The following PNPLA7 variants were observed in gnomAD, a reference collection of about 807,000 sequenced individuals.
PNPLA7 encodes patatin-like phospholipase domain-containing protein 7.
A neutral mutation model predicts 161.7 loss-of-function variants in PNPLA7; 153 were observed. That is an observed-to-expected ratio of 0.95 (90% CI 0.83 to 1.08). The LOEUF is 1.08. Among genes scored for constraint, PNPLA7 ranks in the 50% least tolerant of loss-of-function variants. The pLI is 0.00. For synonymous variants in PNPLA7, 809 were observed against 782.1 expected, an observed-to-expected ratio of 1.03 and a Z score of -0.57; for missense variants, 1,739 against 1,856.6, an observed-to-expected ratio of 0.94 and a Z score of 1.16.
intron 26 of PNPLA7, among the ~76,000 whole-genome samples, chr9:137,466,163 T>C (rs1232631105): frequency 6.6e-6 from 1 of 152,168 alleles, no homozygotes; most frequent in Non-Finnish European, 1.5e-5. Flanking sequence ...CAGCCCATCC[T>C]CAGCTGCTCA....
At chr9:137,529,511 G>C (rs1436261977) in intron 8 of PNPLA7, among the ~76,000 whole-genome samples, 1 of 152,262 alleles carries the variant, frequency 6.6e-6, no homozygotes, top group African/African-American at 2.4e-5. Flanking sequence ...GATTAAGCTG[G>C]TTGGGTTCAG....
chr9:137,529,905 C>T (rs918030947), intron 8 of PNPLA7, among the ~76,000 whole-genome samples: 4 of 151,944 alleles, frequency 2.6e-5, no homozygotes, highest in Admixed American at 6.6e-5. Flanking sequence ...GTGATCCGCC[C>T]GCCTCAGCCT....
At chr9:137,463,293 C>T in intron 29 of PNPLA7, 122 bp downstream of exon 29, 1 of 900,858 alleles carries the variant, frequency 1.1e-6, no homozygotes. Context: ...CCTTGGCATA[C>T]TCTAAGGAAA....
At chr9:137,491,588 C>T (rs780833230) in intron 20 of PNPLA7, 15 of 985,248 alleles carry the variant, frequency 1.5e-5, no homozygotes, top group East Asian at 1.1e-4. Flanking sequence ...GTTAGTGTCC[C>T]CCCAAATTCA....
chr9:137,518,289 C>T (rs1452014881), intron 11 of PNPLA7, among the ~76,000 whole-genome samples: 7 of 138,046 alleles, frequency 5.1e-5, no homozygotes, highest in Admixed American at 2.1e-4. Flanking sequence ...ACTCCATCCC[C>T]CACTCACTGA....
chr9:137,512,595 C>G (rs1297195832), intron 12 of PNPLA7, among the ~76,000 whole-genome samples: 1 of 152,202 alleles, frequency 6.6e-6, no homozygotes, highest in Non-Finnish European at 1.5e-5. Flanking sequence ...AACCGTCCAC[C>G]TGCAATGTGC....
chr9:137,492,183 G>C, intron 20 of PNPLA7: 1 of 985,122 alleles, frequency 1.0e-6, no homozygotes, highest in Non-Finnish European at 1.2e-6. Flanking sequence ...AGGAAAGAAT[G>C]AATATGCTGG....
At chr9:137,519,851 G>A in intron 11 of PNPLA7, 66 bp downstream of exon 11, 2 of 1,557,000 alleles carry the variant, frequency 1.3e-6, no homozygotes, top group Non-Finnish European at 8.7e-7. Context: ...GGTGACCTGA[G>A]GCAGTGGGAG....
chr9:137,536,496 T>C (rs1354348679), intron 8 of PNPLA7, among the ~76,000 whole-genome samples: 5 of 151,872 alleles, frequency 3.3e-5, no homozygotes, highest in Non-Finnish European at 5.9e-5. Context: ...AATGGGTGCA[T>C]ATAAAAATCA....
intron 21 of PNPLA7, among the ~76,000 whole-genome samples, chr9:137,481,320 C>T (rs931992760): frequency 6.6e-5 from 10 of 152,208 alleles, no homozygotes; most frequent in East Asian, 3.9e-4. Flanking sequence ...CCCTCCAGCA[C>T]GAGCAGCAGT....
rs969049447 is a variant in PNPLA7, at chr9:137,495,681, T to A, written c.2014-535A>T. Among the ~76,000 whole-genome samples the A allele has an allele frequency of 3.3e-5, 5 of 152,304 alleles. No homozygotes were observed. In the South Asian group the frequency reaches 1.0e-3, roughly 32 times the overall value. The stretch of plus-strand genomic sequence containing the variant: ...GGATGGTCTCGATCTCCTGACCTCA[T>A]GGTCCGCCGCCTCGGCCTCCCAAAG... On this transcript the variant is annotated intron_variant, in intron 18 of 34. Coordinates refer to ENST00000406427, the MANE Select transcript of PNPLA7 (RefSeq NM_001098537.3).
intron 1 of PNPLA7, among the ~76,000 whole-genome samples, chr9:137,549,780 G>A (rs929422164): frequency 2.0e-5 from 3 of 151,570 alleles, no homozygotes; most frequent in Non-Finnish European, 4.4e-5. Flanking sequence ...GCGAGACTCC[G>A]TCTTGGGAAA....
chr9:137,550,203 G>A lies in PNPLA7; in HGVS notation c.-6C>T, dbSNP rs1044600526. Reference sequence around the variant, plus strand: ...TCATCTTTCTCTTCCTCCATGGCCAGAAACAGAAAAAACAGTCAGGGGCGA... The same window carrying A: ...TCATCTTTCTCTTCCTCCATGGCCAAAAACAGAAAAAACAGTCAGGGGCGA... On this transcript the variant is annotated 5_prime_UTR_variant, in exon 1 of 35. Transcript: ENST00000406427. The A allele has an allele frequency of 1.4e-5, 23 of 1,612,930 alleles. No homozygotes were observed. The highest frequency in any genetic ancestry group is 2.7e-5 in the African/African-American group (2 of 74,922).
intron 14 of PNPLA7, among the ~76,000 whole-genome samples, chr9:137,504,185 GGAA>G (rs112754594): frequency 0.044 from 5,072 of 116,100 alleles, 298 homozygotes; most frequent in African/African-American, 0.16. Flanking sequence ...GAAGGAAGAA[GGAA>G]GAAGAAGAGG....
At chr9:137,481,583 C>G (rs1832221468) in intron 21 of PNPLA7, among the ~76,000 whole-genome samples, 1 of 152,140 alleles carries the variant, frequency 6.6e-6, no homozygotes, top group East Asian at 1.9e-4. Flanking sequence ...AGGGGCTCAG[C>G]CTGAGGGGGT....
intron 11 of PNPLA7, among the ~76,000 whole-genome samples, chr9:137,517,813 C>T (rs1258773525): frequency 3.5e-4 from 10 of 28,596 alleles, no homozygotes; most frequent in African/African-American, 2.4e-3. Flanking sequence ...ACTCCATCCC[C>T]CGTCACTCAC....
At chr9:137,461,736 C>T in intron 32 of PNPLA7, 116 bp from the exon 33 acceptor site, 2 of 1,259,762 alleles carry the variant, frequency 1.6e-6, no homozygotes, top group South Asian at 1.4e-5. Flanking sequence ...CTCCGCCTGC[C>T]CCCCAAGTAA....
chr9:137,461,624 G>A lies in PNPLA7; in HGVS notation c.3757-4C>T, dbSNP rs768970803. Reference sequence around the variant, plus strand: ...AGGCGTTGGGACAGGTGAGGACCTAGGGGTGGGGTGAGGACAGCACGTTGC... The same window carrying A: ...AGGCGTTGGGACAGGTGAGGACCTAAGGGTGGGGTGAGGACAGCACGTTGC... On this transcript the variant is annotated splice_region_variant and splice_polypyrimidine_tract_variant and intron_variant, in intron 32 of 34. Coordinates refer to ENST00000406427, the MANE Select transcript of PNPLA7 (RefSeq NM_001098537.3). The A allele has an allele frequency of 1.2e-6, 2 of 1,609,380 alleles. No homozygotes were observed. Among genetic ancestry groups the A allele is most frequent in the Non-Finnish European group, 1.7e-6 (2 of 1,177,640 alleles).
At position 137,547,762 on chromosome 9, in the gene PNPLA7, A is replaced by T. The variant is rs1836620019; in HGVS notation, c.31-103T>A. ...GCTGGGAGTTAGGGGAGAAGTCAGCAGCCCTGGAGACTTCTGGGAAGAAGT... is the reference window on the plus strand; with the variant it reads ...GCTGGGAGTTAGGGGAGAAGTCAGCTGCCCTGGAGACTTCTGGGAAGAAGT... On this transcript the variant is annotated intron_variant, in intron 1 of 34. Coordinates refer to ENST00000406427, the MANE Select transcript of PNPLA7 (RefSeq NM_001098537.3). This position sits in a 1 kb window ranked among gnomAD's most constrained non-coding sequence, Gnocchi z 4.6. 9.1e-7 allele frequency: 1 copy of T among 1,098,878 alleles called. No individual in the cohort carries two copies. The highest frequency in any genetic ancestry group is 2.4e-5 in the East Asian group (1 of 42,312). 68.1% of individuals were successfully genotyped at this position (1,098,878 alleles called of 1,614,324 possible).
Sources: allele counts gnomAD v4.1 joint callset (sites outside exome capture counted in the v4.1 genomes callset), GRCh38; gene constraint gnomAD v4.1.1; non-coding constraint Gnocchi (gnomAD v3.1); transcripts MANE v1.5; gene names NCBI Gene and HGNC (gene_info 2026-07-23, HGNC 2026-07-21).